Variants in ADCY4 observed in about 807,000 individuals in gnomAD.
ADCY4 encodes adenylate cyclase type 4.
In ADCY4, 111 loss-of-function variants were observed where a neutral mutation model predicts 125.5. The observed-to-expected ratio is 0.88, with a 90% CI of 0.76 to 1.04. The LOEUF is 1.04. ADCY4 is among the 50% of genes least tolerant of loss of function. The probability of loss-of-function intolerance (pLI) is 0.00; values close to 1 mark genes in which losing one functional copy is unlikely to be tolerated. For synonymous variants in ADCY4, 576 were observed against 586.9 expected (o/e 0.98, Z 0.27); for missense variants, 1,256 against 1,382.9 (o/e 0.91, Z 1.46).
rs2041996262 is a variant in ADCY4 at position 24,329,000 on chromosome 14, C to T, written c.1524+61G>A. ...GGGGCAGGGAAGGCTGCCAGTGGGGCCTGAGGATACTGGGGGTGGATTTAA... is the reference window on the plus strand; with the variant it reads ...GGGGCAGGGAAGGCTGCCAGTGGGGTCTGAGGATACTGGGGGTGGATTTAA... On this transcript the variant is annotated intron_variant, in intron 10 of 24. Coordinates refer to ENST00000418030, the MANE Select transcript of ADCY4 (RefSeq NM_001198568.2). The T allele has an allele frequency of 5.7e-6, 9 of 1,568,164 alleles. No homozygotes were observed. In the East Asian group the frequency reaches 1.8e-4, roughly 31 times the overall value.
chr14:24,328,685 G>A (rs1036569144), intron 10 of ADCY4: 37 of 224,058 alleles, frequency 1.7e-4, no homozygotes, highest in Non-Finnish European at 2.4e-4. Flanking sequence ...ACCGGTCTCC[G>A]CGCATTGGTG....
chr14:24,323,838 A>G (rs2041895733), intron 16 of ADCY4, among the ~76,000 whole-genome samples: 1 of 152,240 alleles, frequency 6.6e-6, no homozygotes, highest in Non-Finnish European at 1.5e-5. Flanking sequence ...AACTGCCTAC[A>G]CAGAAAAAAG....
At chr14:24,320,708 C>T (rs999007689) in intron 20 of ADCY4, among the ~76,000 whole-genome samples, 13 of 152,134 alleles carry the variant, frequency 8.5e-5, no homozygotes, top group African/African-American at 2.7e-4. Context: ...GGATCTAGAG[C>T]AGCAGCATCC....
At position 24,319,246 on chromosome 14, in the gene ADCY4, T is replaced by G. The variant is rs78138084; in HGVS notation, c.2842-34A>C. On this transcript the variant is annotated intron_variant, in intron 22 of 24. Transcript: ENST00000418030. This position sits in a 1 kb window ranked among gnomAD's most constrained non-coding sequence, Gnocchi z 4.5. ...GGGCCCGCCCACCAGGGTGGGCCAG[T>G]GAGGGCACAGGAATAAGTCCCACTA... 2.8e-3 allele frequency: 4,538 copies of G among 1,613,340 alleles called. 43 individuals carry two copies. Among genetic ancestry groups the G allele is most frequent in the African/African-American group, 0.025 (1,843 of 74,970 alleles).
In ADCY4 at chr14:24,332,532, A is replaced by G. The variant is rs757984813; in HGVS notation, c.509T>C (p.Leu170Pro). ...LGPQPDSRPA[L>P]LPQLAANAVL... ...TACTTGCGTGCTCACCTGCGGCAGCAGTGCAGGCCGTGAGTCCGGCTGTGG... is the reference window on the plus strand; with the variant it reads ...TACTTGCGTGCTCACCTGCGGCAGCGGTGCAGGCCGTGAGTCCGGCTGTGG... The change falls in exon 3 of 25, where the codon CTG becomes CCG. Residue 170 changes from leucine to proline, a missense_variant. Transcript: ENST00000418030. 3.2e-6 allele frequency: 5 copies of G among 1,567,932 alleles called. No homozygotes were observed. In the South Asian group the frequency reaches 3.5e-5, roughly 11 times the overall value.
chr14:24,330,385 A>G (rs2042023128), intron 6 of ADCY4, 90 bp from the exon 7 acceptor site: 1 of 1,572,574 alleles, frequency 6.4e-7, no homozygotes, highest in African/African-American at 1.3e-5. Context: ...CGAGCGGGGT[A>G]TTCCTGAAGA....
At chr14:24,324,451 A>G in intron 14 of ADCY4, 60 bp from the exon 15 acceptor site, 5 of 1,539,850 alleles carry the variant, frequency 3.2e-6, no homozygotes, top group Non-Finnish European at 4.5e-6. Context: ...TGTGCTATGA[A>G]GGTGCTGTGT....
rs757474354 is a variant in ADCY4, at chr14:24,329,900, C to A, written c.1177G>T (p.Val393Phe). The A allele has an allele frequency of 1.5e-5, 24 of 1,614,012 alleles. No homozygotes were observed. Among genetic ancestry groups the A allele is most frequent in the Non-Finnish European group, 1.2e-5 (14 of 1,180,012 alleles). Residue 393 changes from valine to phenylalanine, a missense_variant, in exon 8 of 25, where the codon GTC becomes TTC. By Grantham distance (50) the Val-to-Phe change is conservative. Coordinates refer to ENST00000418030, the MANE Select transcript of ADCY4 (RefSeq NM_001198568.2). ...KWQYDVWSHD[V>F]TLANHMEAGG... The stretch of plus-strand genomic sequence containing the variant: ...GCCTCCATGTGGTTAGCCAGTGTGA[C>A]ATCATGTGACCAAACGTCGTACTGC...
intron 18 of ADCY4, 60 bp from the exon 19 acceptor site, chr14:24,322,768 C>A: frequency 1.3e-6 from 2 of 1,580,528 alleles, no homozygotes; most frequent in Non-Finnish European, 1.7e-6. Flanking sequence ...CTTCTCCCTG[C>A]CCCCATGTAG....
intron 6 of ADCY4, 66 bp from the exon 7 acceptor site, chr14:24,330,361 G>A (rs1365479423): frequency 1.9e-6 from 3 of 1,602,830 alleles, no homozygotes; most frequent in African/African-American, 2.7e-5. Context: ...GAGGGAGTTG[G>A]GAAAAGTGGG....
At chr14:24,325,769 A>G (rs912318990) in intron 13 of ADCY4, 49 bp downstream of exon 13, 4 of 1,563,496 alleles carry the variant, frequency 2.6e-6, no homozygotes, top group African/African-American at 1.4e-5. Flanking sequence ...CCCAGCACCA[A>G]GGAACTAAAG....
chr14:24,318,888 G>A, intron 23 of ADCY4, 110 bp from the exon 24 acceptor site: 1 of 1,460,932 alleles, frequency 6.8e-7, no homozygotes, highest in South Asian at 1.2e-5. Flanking sequence ...AGGAGAGGAG[G>A]GGTCTCTAAG....
Position 24,324,099 on chromosome 14 carries a change from G to C in ADCY4, c.2009C>G (p.Thr670Ser). ...GGCCATGGCAAAGACAAGGAGGATG[G>C]TGGCGGTGCCCAAGGCTATTCTCAG... ...PGLRIALGTA[T>S]ILLVFAMAIT... Residue 670 changes from threonine (T) to serine (S), a missense_variant, in exon 16 of 25, where the codon ACC becomes AGC. By Grantham distance (58) the Thr-to-Ser change is moderately conservative (BLOSUM62 1). Coordinates refer to ENST00000418030, the MANE Select transcript of ADCY4 (RefSeq NM_001198568.2). The C allele has an allele frequency of 1.2e-6, 2 of 1,614,252 alleles. No individual in the cohort carries two copies. Among genetic ancestry groups the C allele is most frequent in the East Asian group, 2.2e-5 (1 of 44,888 alleles).
rs201392537 is a variant in ADCY4, at chr14:24,319,152, A to T, written c.2902T>A (p.Ser968Thr). The T allele has an allele frequency of 1.9e-4, 302 of 1,613,772 alleles. No homozygotes were observed. Among genetic ancestry groups the T allele is most frequent in the Middle Eastern group, 1.6e-4 (1 of 6,084 alleles). ...TGCTTGTTGATGACGTCCAGCTTAG[A>T]CCCCAGGGCCACGGCAAATTCCACC... Reference protein sequence around the residue: ...TMVEFAVALGSKLDVINKHSF... With the variant: ...TMVEFAVALGTKLDVINKHSF... The change falls in exon 23 of 25, where the codon TCT becomes ACT. Residue 968 changes from serine to threonine, a missense_variant. Transcript: ENST00000418030. This position sits in a 1 kb window ranked among gnomAD's most constrained non-coding sequence, Gnocchi z 4.5.
At position 24,334,569 on chromosome 14, in the gene ADCY4, C is replaced by A. The variant is rs1347928756; in HGVS notation, c.84G>T (p.Pro28=). The change falls in exon 1 of 25, where the codon CCG becomes CCT. Residue 28 remains proline, a synonymous_variant. Coordinates refer to ENST00000418030, the MANE Select transcript of ADCY4 (RefSeq NM_001198568.2). ...ETYYSLSQQY[P]LLLLLLGIVL... The stretch of plus-strand genomic sequence containing the variant: ...CGATCCCCAGCAGCAGCAGCAGCAG[C>A]GGGTACTGCTGGCTCAGGCTGTAGT... 2 of 1,580,234 alleles carry A rather than the reference C, an allele frequency of 1.3e-6. No homozygotes were observed. The highest frequency in any genetic ancestry group is 1.8e-5 in the Admixed American group (1 of 55,620).
At chr14:24,321,523 T>C (rs566861709) in intron 20 of ADCY4, among the ~76,000 whole-genome samples, 35 of 152,332 alleles carry the variant, frequency 2.3e-4, no homozygotes, top group Non-Finnish European at 4.7e-4. Flanking sequence ...TAATTACTTT[T>C]AATTATATTA....
intron 20 of ADCY4, among the ~76,000 whole-genome samples, chr14:24,320,537 G>A (rs987891375): frequency 6.6e-6 from 1 of 152,182 alleles, no homozygotes; most frequent in Admixed American, 6.5e-5. Context: ...AGCAGGCGGT[G>A]GGGGCATAAG....
chr14:24,322,620 T>C lies in ADCY4; in HGVS notation c.2427+4A>G, dbSNP rs753700657. ...CCCTGGTGGGGCTGAGCTGGGTGAC[T>C]TACCTGGCGAGCCAGGACAAGGAGG... On this transcript the variant is annotated splice_donor_region_variant and intron_variant, in intron 19 of 24. Transcript: ENST00000418030. 2 of 1,613,964 alleles carry C rather than the reference T, an allele frequency of 1.2e-6. No homozygotes were observed. The highest frequency in any genetic ancestry group is 8.5e-7 in the Non-Finnish European group (1 of 1,179,956).
At position 24,332,926 on chromosome 14, in the gene ADCY4, C is replaced by T. The variant is rs762291896; in HGVS notation, c.222G>A (p.Leu74=). Residue 74 remains leucine, a synonymous_variant, in exon 2 of 25, where the codon CTG becomes CTA. Coordinates refer to ENST00000418030, the MANE Select transcript of ADCY4 (RefSeq NM_001198568.2). ...GCTCCCGGGAAGCGAGGCCCAGCAG[C>T]AGCGAGAAGCCGCCCAGCGCGCACA... ...TVLCALGGFS[L]LLGLASREQR... 7 of 1,597,882 alleles carry T rather than the reference C, an allele frequency of 4.4e-6. No individual in the cohort carries two copies. Among genetic ancestry groups the T allele is most frequent in the Middle Eastern group, 3.4e-4 (2 of 5,960 alleles).
Sources: allele counts gnomAD v4.1 joint callset (sites outside exome capture counted in the v4.1 genomes callset), GRCh38; gene constraint gnomAD v4.1.1; non-coding constraint Gnocchi (gnomAD v3.1); transcripts MANE v1.5; gene names NCBI Gene and HGNC (gene_info 2026-07-23, HGNC 2026-07-21).